Variants in COL19A1 observed in about 807,000 individuals in gnomAD.
COL19A1 encodes collagen alpha-1(XIX) chain.
Under a neutral mutation model 190.2 loss-of-function variants are expected in COL19A1, and 159 were observed. The ratio of observed to expected loss-of-function variants is 0.84; its 90% CI spans 0.73 to 0.95. The LOEUF is 0.95. COL19A1 is among the 40% of genes least tolerant of loss of function. The pLI is 0.00. For missense variants in COL19A1, 1,418 were observed against 1,431.9 expected, an observed-to-expected ratio of 0.99 and a Z score of 0.16; for synonymous variants, 509 against 458.9, an observed-to-expected ratio of 1.11 and a Z score of -1.39.
intron 11 of COL19A1, among the ~76,000 whole-genome samples, chr6:69,993,227 G>T (rs1447882056): frequency 6.6e-6 from 1 of 151,946 alleles, no homozygotes; most frequent in African/African-American, 2.4e-5. Context: ...TGTGGTTTTT[G>T]TGCTTAGTCC....
intron 44 of COL19A1, among the ~76,000 whole-genome samples, chr6:70,183,847 G>A (rs1360979594): frequency 1.3e-5 from 2 of 152,154 alleles, no homozygotes; most frequent in Non-Finnish European, 2.9e-5. Flanking sequence ...ATTGCCTGCT[G>A]GCTAAGAAAT....
At chr6:70,117,706 G>C (rs904681195) in intron 16 of COL19A1, among the ~76,000 whole-genome samples, 1 of 152,112 alleles carries the variant, frequency 6.6e-6, no homozygotes, top group Admixed American at 6.5e-5. Context: ...GCATATTTTA[G>C]CTGCTCTGTA....
At chr6:69,999,195 T>A (rs1291724303) in intron 11 of COL19A1, among the ~76,000 whole-genome samples, 1 of 149,506 alleles carries the variant, frequency 6.7e-6, no homozygotes, top group Non-Finnish European at 1.5e-5. Flanking sequence ...AGTGCTGGGA[T>A]TACAGGCGTG....
chr6:69,868,788 A>C (rs1319748051), intron 1 of COL19A1, among the ~76,000 whole-genome samples: 1 of 152,236 alleles, frequency 6.6e-6, no homozygotes, highest in Non-Finnish European at 1.5e-5. Context: ...ATTTCCATCT[A>C]CTTTCTGGTC....
chr6:70,171,511 G>A (rs972183500), intron 40 of COL19A1, among the ~76,000 whole-genome samples: 3 of 152,172 alleles, frequency 2.0e-5, no homozygotes, highest in African/African-American at 7.2e-5. Context: ...TTCTTGTCCA[G>A]CTGCAGAGAA....
At chr6:70,004,480 T>G (rs544665820) in intron 11 of COL19A1, among the ~76,000 whole-genome samples, 2 of 152,316 alleles carry the variant, frequency 1.3e-5, no homozygotes, top group South Asian at 4.1e-4. Context: ...CCAGCTTGTT[T>G]CCATGCTCCT....
intron 9 of COL19A1, among the ~76,000 whole-genome samples, chr6:69,950,427 T>C (rs1774056029): frequency 1.3e-5 from 2 of 151,798 alleles, no homozygotes; most frequent in South Asian, 4.1e-4. Flanking sequence ...TGTTAAACAT[T>C]GCATAAAAAT....
chr6:70,180,320 T>G lies in COL19A1; in HGVS notation c.2676T>G (p.Pro892=). ...PPGIAGMSGK[P]GAPGPPGVPG... is the part of the protein sequence containing the mutation. ...TCAATTTGCCTTGCCAGGGAAAACCTGGTGCCCCAGGGCCTCCAGGAGTTC... is the reference window on the plus strand; with the variant it reads ...TCAATTTGCCTTGCCAGGGAAAACCGGGTGCCCCAGGGCCTCCAGGAGTTC... The change falls in exon 43 of 51, where the codon CCT becomes CCG. Residue 892 remains proline (P), a synonymous_variant. Coordinates refer to ENST00000620364, the MANE Select transcript of COL19A1 (RefSeq NM_001858.6). The G allele has an allele frequency of 6.2e-7, 1 of 1,614,174 alleles. No individual in the cohort carries two copies. Among genetic ancestry groups the G allele is most frequent in the Non-Finnish European group, 8.5e-7 (1 of 1,180,010 alleles).
chr6:70,033,905 G>T (rs1562104500), intron 12 of COL19A1, among the ~76,000 whole-genome samples: 2 of 152,052 alleles, frequency 1.3e-5, no homozygotes, highest in Admixed American at 6.6e-5. Flanking sequence ...TAAATCAGAG[G>T]TATTTACAAC....
chr6:70,107,728 G>A (rs3793056), intron 16 of COL19A1, among the ~76,000 whole-genome samples: 29,323 of 152,004 alleles, frequency 0.19, 3,323 homozygotes, highest in Non-Finnish European at 0.26. Context: ...TTCTAGATAC[G>A]TCATGAAGAG....
At chr6:69,944,828 T>C (rs1314966139) in intron 9 of COL19A1, among the ~76,000 whole-genome samples, 1 of 152,072 alleles carries the variant, frequency 6.6e-6, no homozygotes, top group Admixed American at 6.6e-5. Flanking sequence ...CAGCATTCTA[T>C]ATCAGAACAC....
intron 2 of COL19A1, among the ~76,000 whole-genome samples, chr6:69,896,373 T>TA: frequency 6.6e-6 from 1 of 151,002 alleles, no homozygotes; most frequent in Non-Finnish European, 1.5e-5. Flanking sequence ...CCGTCTCTAC[T>TA]AAAAATACAA....
chr6:69,962,112 G>A (rs1774835110), intron 10 of COL19A1, among the ~76,000 whole-genome samples: 1 of 152,126 alleles, frequency 6.6e-6, no homozygotes, highest in Non-Finnish European at 1.5e-5. Flanking sequence ...TGCCTGACAT[G>A]TAGGAGGCAC....
intron 6 of COL19A1, among the ~76,000 whole-genome samples, chr6:69,930,176 T>A (rs1011028742): frequency 2.6e-5 from 4 of 152,198 alleles, no homozygotes; most frequent in Admixed American, 6.5e-5. Context: ...TAATGGTTTT[T>A]CAGGGTTCTA....
In COL19A1 at chr6:69,898,367, G is replaced by A. The variant is rs1375415895; in HGVS notation, c.92-581G>A. Among the ~76,000 whole-genome samples the A allele has an allele frequency of 2.6e-5, 4 of 152,154 alleles. No individual in the cohort carries two copies. The East Asian group carries it at 7.7e-4, about 29-fold the overall frequency. ...AGTATTAAACATGTACATTCACTGA[G>A]TTGAGACTATCTTTTATTTCTTTGA... is the stretch of plus-strand genomic sequence containing the variant. On this transcript the variant is annotated intron_variant, in intron 2 of 50. Transcript: ENST00000620364.
At chr6:70,112,196 G>A (rs1430644695) in intron 16 of COL19A1, among the ~76,000 whole-genome samples, 1 of 152,282 alleles carries the variant, frequency 6.6e-6, no homozygotes. Flanking sequence ...TGGAGGCACA[G>A]TTGTTCCTAA....
At chr6:69,954,124 T>C (rs1390169540) in intron 9 of COL19A1, among the ~76,000 whole-genome samples, 1 of 152,030 alleles carries the variant, frequency 6.6e-6, no homozygotes, top group Non-Finnish European at 1.5e-5. Context: ...CTTTTCTATC[T>C]CCATCACTGC....
At chr6:70,055,781 T>TTAAAAAAAAA (rs547910835) in intron 14 of COL19A1, among the ~76,000 whole-genome samples, 3 of 117,466 alleles carry the variant, frequency 2.6e-5, no homozygotes, top group African/African-American at 1.0e-4. Context: ...AACTCTGTAT[T>TTAAAAAAAAA]AAAAAAAAAA....
chr6:69,882,136 TG>T (rs1273846728), intron 2 of COL19A1, among the ~76,000 whole-genome samples: 2 of 152,206 alleles, frequency 1.3e-5, no homozygotes, highest in Non-Finnish European at 2.9e-5. Flanking sequence ...ACAGATAGAT[TG>T]GACCTTTTAA....
Sources: gnomAD v4.1 joint callset for allele counts (sites outside exome capture counted in the v4.1 genomes callset) on GRCh38, gnomAD v4.1.1 for gene constraint, MANE v1.5 for transcripts, NCBI Gene and HGNC (gene_info 2026-07-23, HGNC 2026-07-21) for gene names.